CDC20: variants seen among roughly 807,000 people sequenced by gnomAD.
CDC20 encodes the protein cell division cycle protein 20 homolog.
In CDC20, 34 loss-of-function variants were observed where a neutral mutation model predicts 60.0. The observed-to-expected ratio is 0.57, with a 90% CI of 0.43 to 0.75. The LOEUF is 0.75. CDC20 is among the 30% of genes least tolerant of loss of function. CDC20 has a pLI of 0.00. For missense variants in CDC20, 469 were observed against 647.3 expected, an observed-to-expected ratio of 0.72 and a Z score of 2.99; for synonymous variants, 198 against 243.5, an observed-to-expected ratio of 0.81 and a Z score of 1.74.
intron 9 of CDC20, among the ~76,000 whole-genome samples, 166 bp from the exon 10 acceptor site, chr1:43,362,029 A>G (rs1647174887): frequency 6.6e-6 from 1 of 152,274 alleles, no homozygotes; most frequent in Non-Finnish European, 1.5e-5. Flanking sequence ...AAATGGTTAC[A>G]TCAGCGAGTG....
In CDC20 at chr1:43,359,817, A is replaced by G. The variant is rs200776821; in HGVS notation, c.423A>G (p.Pro141=). The part of the protein sequence containing the change: ...LRLSGKPQNA[P]EGYQNRLKVL... ...TCAGTGGAAAACCACAAAATGCGCCAGAGGGTAAGACCCGAAGTTCCTGGT... is the reference window on the plus strand; with the variant it reads ...TCAGTGGAAAACCACAAAATGCGCCGGAGGGTAAGACCCGAAGTTCCTGGT... Residue 141 remains proline (P), a synonymous_variant, in exon 4 of 11, where the codon CCA becomes CCG. Transcript: ENST00000310955. 1.8e-4 allele frequency: 298 copies of G among 1,613,894 alleles called. 1 individual carries two copies. The Admixed American group carries it at 4.8e-3, about 26-fold the overall frequency.
In CDC20 at chr1:43,360,613, C is replaced by T. The variant is rs751424023; in HGVS notation, c.848+20C>T. 10 of 1,601,450 alleles carry T rather than the reference C, an allele frequency of 6.2e-6. No individual in the cohort carries two copies. Among genetic ancestry groups the T allele is most frequent in the Non-Finnish European group, 8.6e-6 (10 of 1,168,598 alleles). On this transcript the variant is annotated intron_variant, in intron 7 of 10. Transcript: ENST00000310955. ...GTCCAGGTCAGTGGTTTTTGTTGGT[C>T]TATGGTAGTCTGATATTTGCCCACC...
Position 43,361,219 on chromosome 1 carries a change from C to CTGAGTGCCGT in CDC20, c.1178_1187dup (p.Asp397GlufsTer45), listed in dbSNP as rs1647171364. The stretch of plus-strand genomic sequence containing the variant: ...CTGGAATGTGTGCTCTGGGGCCTGT[C>CTGAGTGCCGT]TGAGTGCCGTGGATGCCCATTCCCA... On this transcript the variant is annotated frameshift_variant, in exon 9 of 11. Coordinates refer to ENST00000310955, the MANE Select transcript of CDC20 (RefSeq NM_001255.3). LOFTEE classifies it high-confidence loss of function. 1 of 1,611,106 alleles carries CTGAGTGCCGT rather than the reference C, an allele frequency of 6.2e-7. No homozygotes were observed. Among genetic ancestry groups the CTGAGTGCCGT allele is most frequent in the African/African-American group, 1.3e-5 (1 of 74,964 alleles).
chr1:43,362,197 G>A lies in CDC20; in HGVS notation c.1206G>A (p.Val402=). ...CCCACACCAGCTCCTCTCCACAGGT[G>A]TGCTCCATCCTCTGGTCTCCCCATT... ...CLSAVDAHSQ[V]CSILWSPHYK... is the part of the protein sequence containing the mutation. Residue 402 remains valine, a splice_region_variant and synonymous_variant, in exon 10 of 11, where the codon GTG becomes GTA. Transcript: ENST00000310955. 1 of 1,597,014 alleles carries A rather than the reference G, an allele frequency of 6.3e-7. No homozygotes were observed. Among genetic ancestry groups the A allele is most frequent in the Non-Finnish European group, 8.6e-7 (1 of 1,164,690 alleles).
In CDC20 at chr1:43,362,315, A is replaced by G. The variant is rs749411658; in HGVS notation, c.1321+3A>G. On this transcript the variant is annotated splice_donor_region_variant and intron_variant, in intron 10 of 10. Transcript: ENST00000310955. ...GGCCAAGGTGGCTGAACTCAAAGGT[A>G]AGTGGCTAGGTGAAAAGCCGGACAT... is the stretch of plus-strand genomic sequence containing the variant. The G allele has an allele frequency of 7.3e-5, 94 of 1,293,198 alleles. No individual in the cohort carries two copies. Among genetic ancestry groups the G allele is most frequent in the Non-Finnish European group, 1.0e-4 (90 of 887,188 alleles). 80.1% of individuals were successfully genotyped at this position (1,293,198 alleles called of 1,614,324 possible). A position where few individuals can be genotyped will look rare whatever the true frequency, so the allele number is the denominator to read the frequency against.
chr1:43,362,360 G>T, intron 10 of CDC20, 48 bp downstream of exon 10: 1 of 811,754 alleles, frequency 1.2e-6, no homozygotes, highest in South Asian at 1.4e-5. Context: ...CATAATGTAT[G>T]ACTGAAATGT....
At chr1:43,361,607 G>A (rs140689744) in intron 9 of CDC20, among the ~76,000 whole-genome samples, 6 of 152,228 alleles carry the variant, frequency 3.9e-5, no homozygotes, top group Non-Finnish European at 8.8e-5. Context: ...ATTGACATCT[G>A]TCCCCTCCCC....
In CDC20 at chr1:43,359,243, C is replaced by T. The variant is rs146108947; in HGVS notation, c.28C>T (p.Leu10=). MAQFAFESD[L]HSLLQLDAPI... Reference sequence around the variant, plus strand: ...GGCACAGTTCGCGTTCGAGAGTGACCTGCACTCGCTGCTTCAGCTGGATGC... The same window carrying T: ...GGCACAGTTCGCGTTCGAGAGTGACTTGCACTCGCTGCTTCAGCTGGATGC... The change falls in exon 2 of 11, where the codon CTG becomes TTG. Residue 10 remains leucine (L), a synonymous_variant. Coordinates refer to ENST00000310955, the MANE Select transcript of CDC20 (RefSeq NM_001255.3). 1.3e-3 allele frequency: 2,167 copies of T among 1,611,700 alleles called. 1 individual carries two copies. Among genetic ancestry groups the T allele is most frequent in the Non-Finnish European group, 1.7e-3 (2,035 of 1,179,928 alleles).
At position 43,360,670 on chromosome 1, in the gene CDC20, C is replaced by G. The variant is rs1388148080; in HGVS notation, c.849-63C>G. ...TTGACTGTACACCCCTGAACTGAACCAGCTCTGGCTTGCTTGCATTTGGTG... is the reference window on the plus strand; with the variant it reads ...TTGACTGTACACCCCTGAACTGAACGAGCTCTGGCTTGCTTGCATTTGGTG... On this transcript the variant is annotated intron_variant, in intron 7 of 10. Transcript: ENST00000310955. The G allele has an allele frequency of 5.1e-6, 8 of 1,573,942 alleles. No individual in the cohort carries two copies. In the East Asian group the frequency reaches 1.6e-4, roughly 31 times the overall value.
chr1:43,360,396 C>T lies in CDC20; in HGVS notation c.753+7C>T, dbSNP rs370359278. ...CAGCAGTGCTGAGGTGCAGGTGAGA[C>T]GTGTCCAGTGCTGTCATTCTCACCA... On this transcript the variant is annotated splice_region_variant and intron_variant, in intron 6 of 10. Transcript: ENST00000310955. 30 of 1,613,544 alleles carry T rather than the reference C, an allele frequency of 1.9e-5. No homozygotes were observed. The highest frequency in any genetic ancestry group is 2.3e-5 in the Non-Finnish European group (27 of 1,179,538).
In CDC20 at chr1:43,360,232, C is replaced by T. The variant is rs1313155974; in HGVS notation, c.596C>T (p.Ala199Val). 2 of 1,614,098 alleles carry T rather than the reference C, an allele frequency of 1.2e-6. No homozygotes were observed. The highest frequency in any genetic ancestry group is 4.5e-5 in the East Asian group (2 of 44,900). The change falls in exon 6 of 11, where the codon GCC becomes GTC. Residue 199 changes from alanine to valine, a missense_variant. Ala to Val is a moderately conservative substitution (Grantham distance 64, BLOSUM62 0). Around this residue, in one of 5 missense-constraint regions of CDC20, gnomAD observed 255 missense variants for 326.7 expected, o/e 0.78. Coordinates refer to ENST00000310955, the MANE Select transcript of CDC20 (RefSeq NM_001255.3). ...GATTGGAGTTCTGGGAATGTACTGG[C>T]CGTGGCACTGGACAACAGTGTGTAC... is the stretch of plus-strand genomic sequence containing the variant. ...LVDWSSGNVL[A>V]VALDNSVYLW...
chr1:43,360,575 A>G lies in CDC20; in HGVS notation c.830A>G (p.Asn277Ser). 6.2e-7 allele frequency: 1 copy of G among 1,613,830 alleles called. No homozygotes were observed. Among genetic ancestry groups the G allele is most frequent in the Non-Finnish European group, 8.5e-7 (1 of 1,179,672 alleles). The change falls in exon 7 of 11, where the codon AAC (asparagine) becomes AGC (serine). Residue 277 changes from asparagine to serine, a missense_variant. This residue lies in a region of CDC20 where 255 missense variants were observed against 326.7 expected (regional missense o/e 0.78). Coordinates refer to ENST00000310955, the MANE Select transcript of CDC20 (RefSeq NM_001255.3). ...HSARVGSLSW[N>S]SYILSSGSRS... is the part of the protein sequence containing the mutation. ...GCCCGAGTGGGCTCCCTAAGCTGGAACAGCTATATCCTGTCCAGGTCAGTG... is the reference window on the plus strand; with the variant it reads ...GCCCGAGTGGGCTCCCTAAGCTGGAGCAGCTATATCCTGTCCAGGTCAGTG...
rs769554859 is a variant in CDC20 at position 43,359,922 on chromosome 1, G to A, written c.428-47G>A. On this transcript the variant is annotated intron_variant, in intron 4 of 10. Transcript: ENST00000310955. ...TCTTCCTATCTAAGATTGAGGGCAA[G>A]GGAGGTGTTGATTTTCCCAGCGTCT... 14 of 1,613,002 alleles carry A rather than the reference G, an allele frequency of 8.7e-6. No individual in the cohort carries two copies. In the Admixed American group the frequency reaches 2.3e-4, roughly 27 times the overall value.
intron 3 of CDC20, 33 bp downstream of exon 3, chr1:43,359,671 C>A (rs770024161): frequency 3.1e-5 from 50 of 1,613,814 alleles, no homozygotes; most frequent in Non-Finnish European, 4.1e-5. Context: ...AGGCACGGGA[C>A]CTGACTGTTC....
In CDC20 at chr1:43,360,061, C is replaced by T; in HGVS notation, c.520C>T (p.Arg174Cys). 1.2e-6 allele frequency: 2 copies of T among 1,614,236 alleles called. No individual in the cohort carries two copies. Among genetic ancestry groups the T allele is most frequent in the Middle Eastern group, 1.6e-4 (1 of 6,062 alleles). ...CCGTTACATTCCTTCCCTGCCAGAC[C>T]GTATCCTGGATGCGCCTGAAATCCG... ...TCRYIPSLPD[R>C]ILDAPEIRND... The change falls in exon 5 of 11, where the codon CGT (arginine) becomes TGT (cysteine). Residue 174 changes from arginine (R) to cysteine (C), a missense_variant. Transcript: ENST00000310955.
chr1:43,362,374 G>C, intron 10 of CDC20, 62 bp downstream of exon 10: 1 of 744,166 alleles, frequency 1.3e-6, no homozygotes, highest in Admixed American at 2.0e-5. Context: ...GAAATGTCCA[G>C]AATAAGCAAA....
chr1:43,360,392 G>T lies in CDC20; in HGVS notation c.753+3G>T. ...GCACCAGCAGTGCTGAGGTGCAGGT[G>T]AGACGTGTCCAGTGCTGTCATTCTC... On this transcript the variant is annotated splice_donor_region_variant and intron_variant, in intron 6 of 10. Transcript: ENST00000310955. The T allele has an allele frequency of 6.2e-7, 1 of 1,614,066 alleles. No individual in the cohort carries two copies. Among genetic ancestry groups the T allele is most frequent in the Non-Finnish European group, 8.5e-7 (1 of 1,179,880 alleles).
chr1:43,359,676 C>T lies in CDC20; in HGVS notation c.330+38C>T, dbSNP rs147809610. The T allele has an allele frequency of 4.8e-5, 78 of 1,613,912 alleles. No homozygotes were observed. The African/African-American group carries it at 8.4e-4, about 17-fold the overall frequency. ...GAGGGGCTTAAGGCACGGGACCTGACTGTTCTTTGGATAATACCATCTTGC... is the reference window on the plus strand; with the variant it reads ...GAGGGGCTTAAGGCACGGGACCTGATTGTTCTTTGGATAATACCATCTTGC... On this transcript the variant is annotated intron_variant, in intron 3 of 10. Transcript: ENST00000310955.
At position 43,359,003 on chromosome 1, in the gene CDC20, C is replaced by G; in HGVS notation, c.-53C>G. 5 of 606,426 alleles carry G rather than the reference C, an allele frequency of 8.2e-6. No individual in the cohort carries two copies. Among genetic ancestry groups the G allele is most frequent in the South Asian group, 5.8e-5 (3 of 51,334 alleles). The allele number at this position is 606,426 out of a possible 1,614,324, so 37.6% of individuals were successfully genotyped here. A position where few individuals can be genotyped will look rare whatever the true frequency, so the allele number is the denominator to read the frequency against. On this transcript the variant is annotated 5_prime_UTR_variant, in exon 1 of 11. Transcript: ENST00000310955. ...AGCCGGTCGGAACTGCTCCGGAGGG[C>G]ACGGTGAGAGGTGGTGGGGCTGAGC...
Sources: gnomAD v4.1 joint callset for allele counts (sites outside exome capture counted in the v4.1 genomes callset) on GRCh38, gnomAD v4.1.1 for gene constraint, gnomAD v4.1.1 regional missense constraint, MANE v1.5 for transcripts, NCBI Gene and HGNC (gene_info 2026-07-23, HGNC 2026-07-21) for gene names.